Variants in SYNDIG1 observed in about 807,000 individuals in gnomAD.
The protein encoded by SYNDIG1 is synapse differentiation inducing 1, also known as synapse differentiation-inducing gene protein 1.
Under a neutral mutation model 19.4 loss-of-function variants are expected in SYNDIG1, and 9 were observed. The observed-to-expected ratio is 0.46, with a 90% CI of 0.28 to 0.81. The LOEUF is 0.81. SYNDIG1 is among the 30% of genes least tolerant of loss of function. SYNDIG1 has a pLI of 0.12. For missense variants in SYNDIG1, 311 were observed against 343.3 expected (o/e 0.91, Z 0.74); for synonymous variants, 141 against 145.9 (o/e 0.97, Z 0.24).
At chr20:24,537,944 C>A (rs139983249) in intron 1 of SYNDIG1, among the ~76,000 whole-genome samples, 1 of 152,096 alleles carries the variant, frequency 6.6e-6, no homozygotes, top group Non-Finnish European at 1.5e-5. Context: ...CTTCTTTTCT[C>A]GGTATGGTGT....
At chr20:24,580,419 T>A (rs997322880) in intron 2 of SYNDIG1, among the ~76,000 whole-genome samples, 2 of 152,078 alleles carry the variant, frequency 1.3e-5, no homozygotes, top group Non-Finnish European at 2.9e-5. Context: ...TGTTTGTTTG[T>A]TTGATTTTTG....
intron 2 of SYNDIG1, among the ~76,000 whole-genome samples, chr20:24,581,950 GCTGCACGTCCTCCCCA>G (rs1159830476): frequency 7.0e-6 from 1 of 142,504 alleles, no homozygotes; most frequent in Non-Finnish European, 1.5e-5. Flanking sequence ...CATCCTCCCT[GCTGCACGTCCTCCCCA>G]CTGCACATCC....
At chr20:24,554,272 C>G (rs1351530388) in intron 2 of SYNDIG1, among the ~76,000 whole-genome samples, 1 of 152,186 alleles carries the variant, frequency 6.6e-6, no homozygotes, top group Admixed American at 6.5e-5. Context: ...TTGACTTCCT[C>G]TTTTCCTAAT....
chr20:24,569,905 C>T (rs1227807414), intron 2 of SYNDIG1, among the ~76,000 whole-genome samples: 1 of 152,154 alleles, frequency 6.6e-6, no homozygotes, highest in Non-Finnish European at 1.5e-5. Context: ...AATATGTGAA[C>T]ATTCACTATA....
chr20:24,650,322 A>G (rs1794529791), intron 3 of SYNDIG1, among the ~76,000 whole-genome samples: 1 of 152,254 alleles, frequency 6.6e-6, no homozygotes, highest in African/African-American at 2.4e-5. Context: ...GTTTATAAAC[A>G]GAAATCTGCA....
At chr20:24,520,609 C>T (rs935815375) in intron 1 of SYNDIG1, among the ~76,000 whole-genome samples, 7 of 151,802 alleles carry the variant, frequency 4.6e-5, no homozygotes, top group African/African-American at 1.7e-4. Flanking sequence ...AGGAGAATCA[C>T]TTGAACCAGG....
At chr20:24,631,798 T>C (rs1400986197) in intron 3 of SYNDIG1, among the ~76,000 whole-genome samples, 2 of 152,198 alleles carry the variant, frequency 1.3e-5, no homozygotes, top group African/African-American at 4.8e-5. Flanking sequence ...TGCAGAACCA[T>C]ATTCTGTGAA....
intron 2 of SYNDIG1, among the ~76,000 whole-genome samples, chr20:24,551,315 C>A (rs572212368): frequency 1.3e-5 from 2 of 152,226 alleles, no homozygotes; most frequent in South Asian, 4.2e-4. Context: ...CTTTTACTTT[C>A]TGTATGGTTG....
chr20:24,496,679 G>A (rs934867369), intron 1 of SYNDIG1, among the ~76,000 whole-genome samples: 1 of 152,098 alleles, frequency 6.6e-6, no homozygotes, highest in Admixed American at 6.5e-5. Flanking sequence ...TTGGGATAAC[G>A]TATGTGAAAA....
intron 1 of SYNDIG1, among the ~76,000 whole-genome samples, chr20:24,541,193 T>C (rs1365305899): frequency 6.6e-6 from 1 of 152,212 alleles, no homozygotes. Flanking sequence ...GCTGAATCTC[T>C]GGCCTCGTGA....
intron 1 of SYNDIG1, among the ~76,000 whole-genome samples, chr20:24,540,753 T>G (rs1443472775): frequency 6.6e-6 from 1 of 152,238 alleles, no homozygotes; most frequent in African/African-American, 2.4e-5. Context: ...TAAATCTCAC[T>G]TGATCATGGT....
At chr20:24,540,750 C>T (rs2057452470) in intron 1 of SYNDIG1, among the ~76,000 whole-genome samples, 1 of 152,122 alleles carries the variant, frequency 6.6e-6, no homozygotes, top group Non-Finnish European at 1.5e-5. Flanking sequence ...AAATAAATCT[C>T]ACTTGATCAT....
At chr20:24,600,461 G>A (rs930333248) in intron 3 of SYNDIG1, among the ~76,000 whole-genome samples, 1 of 152,138 alleles carries the variant, frequency 6.6e-6, no homozygotes, top group Non-Finnish European at 1.5e-5. Flanking sequence ...GCACCTTCCA[G>A]CCATCCTTCC....
chr20:24,628,343 A>G lies in SYNDIG1; in HGVS notation c.619-37003A>G, dbSNP rs189112663. 5.2e-3 allele frequency among the ~76,000 whole-genome samples: 795 copies of G among 152,242 alleles called. 7 individuals carry two copies. Among genetic ancestry groups the G allele is most frequent in the African/African-American group, 0.018 (747 of 41,532 alleles). ...CTCCTCTGCAGTCAGCAGCCCTGAC[A>G]CCTTCCATTATGCAGCTCTGTGCTC... is the stretch of plus-strand genomic sequence containing the variant. On this transcript the variant is annotated intron_variant, in intron 3 of 3. Coordinates refer to ENST00000376862, the MANE Select transcript of SYNDIG1 (RefSeq NM_024893.3).
chr20:24,492,024 G>C (rs1260807618), intron 1 of SYNDIG1, among the ~76,000 whole-genome samples: 2 of 152,232 alleles, frequency 1.3e-5, no homozygotes, highest in African/African-American at 4.8e-5. Flanking sequence ...CCTAGGCAGA[G>C]CCAGGCACAC....
chr20:24,654,510 G>A (rs1408949557), intron 3 of SYNDIG1, among the ~76,000 whole-genome samples: 1 of 151,950 alleles, frequency 6.6e-6, no homozygotes, highest in African/African-American at 2.4e-5. Flanking sequence ...AAGGCTTGGA[G>A]AACGATTGAG....
intron 3 of SYNDIG1, among the ~76,000 whole-genome samples, chr20:24,647,314 G>A (rs145550756): frequency 1.1e-3 from 160 of 152,312 alleles, no homozygotes; most frequent in African/African-American, 3.6e-3. Flanking sequence ...TCAGTGGCTT[G>A]AAACCTGTTT....
At chr20:24,647,517 A>T (rs2147356107) in intron 3 of SYNDIG1, among the ~76,000 whole-genome samples, 1 of 152,160 alleles carries the variant, frequency 6.6e-6, no homozygotes, top group African/African-American at 2.4e-5. Flanking sequence ...AAAGTGCGGC[A>T]CAGGGGATGG....
chr20:24,661,487 A>AAGAGGGAGGAGGTAGAAAGGAGGGAGG (rs565674556), intron 3 of SYNDIG1, among the ~76,000 whole-genome samples: 14 of 13,452 alleles, frequency 1.0e-3, no homozygotes, highest in African/African-American at 1.5e-3. Flanking sequence ...AGAGGGAGGA[A>AAGAGGGAGGAGGTAGAAAGGAGGGAGG]GAAGGGAGGG....
Sources: gnomAD v4.1 joint callset for allele counts (sites outside exome capture counted in the v4.1 genomes callset) on GRCh38, gnomAD v4.1.1 for gene constraint, MANE v1.5 for transcripts, NCBI Gene and HGNC (gene_info 2026-07-23, HGNC 2026-07-21) for gene names.